Variants in LDLRAD3 observed in about 807,000 individuals in gnomAD.
The protein encoded by LDLRAD3 is low-density lipoprotein receptor class A domain-containing protein 3.
Under a neutral mutation model 29.4 loss-of-function variants are expected in LDLRAD3, and 20 were observed. The observed-to-expected ratio is 0.68, with a 90% CI of 0.48 to 0.99. The LOEUF (loss-of-function observed/expected upper bound fraction) is 0.99, where lower values mean the gene tolerates loss of function less well. Among genes scored for constraint, LDLRAD3 ranks in the 50% least tolerant of loss-of-function variants. The pLI is 0.00. For missense variants in LDLRAD3, 420 were observed against 454.3 expected (o/e 0.92, Z 0.69); for synonymous variants, 157 against 192.7 (o/e 0.81, Z 1.53).
At chr11:36,166,328 C>T (rs4755439) in intron 4 of LDLRAD3, among the ~76,000 whole-genome samples, 4 of 151,978 alleles carry the variant, frequency 2.6e-5, no homozygotes, top group African/African-American at 9.7e-5. Flanking sequence ...ACACTGTCAC[C>T]AGGTAATCAC....
In LDLRAD3 at chr11:36,118,665, T is replaced by A. The variant is rs566810749; in HGVS notation, c.454+20204T>A. 9.9e-5 allele frequency among the ~76,000 whole-genome samples: 15 copies of A among 152,216 alleles called. No individual in the cohort carries two copies. In the East Asian group the frequency reaches 2.5e-3, roughly 25 times the overall value. ...ATAAGTATATTATTTTGTTTTAGGG[T>A]TTTTTTAACAGCTTTATTTAGATGT... is the stretch of plus-strand genomic sequence containing the variant. On this transcript the variant is annotated intron_variant, in intron 4 of 5. Coordinates refer to ENST00000315571, the MANE Select transcript of LDLRAD3 (RefSeq NM_174902.4).
intron 4 of LDLRAD3, among the ~76,000 whole-genome samples, chr11:36,175,132 A>G (rs1369970064): frequency 6.6e-6 from 1 of 152,216 alleles, no homozygotes; most frequent in African/African-American, 2.4e-5. Context: ...CAGTGTGGCA[A>G]TTCCTCAAGG....
chr11:36,044,982 C>T (rs890631286), intron 2 of LDLRAD3, among the ~76,000 whole-genome samples: 1 of 152,214 alleles, frequency 6.6e-6, no homozygotes, highest in Non-Finnish European at 1.5e-5. Flanking sequence ...TCTTTTCCAC[C>T]TTCACCACAC....
intron 2 of LDLRAD3, among the ~76,000 whole-genome samples, chr11:36,039,731 T>G (rs890000487): frequency 1.1e-4 from 16 of 152,256 alleles, no homozygotes; most frequent in African/African-American, 3.9e-4. Flanking sequence ...GGCTGCCTAA[T>G]GCTCTGTCAA....
chr11:36,180,983 G>A (rs1486962357), intron 4 of LDLRAD3, among the ~76,000 whole-genome samples: 1 of 152,164 alleles, frequency 6.6e-6, no homozygotes, highest in Non-Finnish European at 1.5e-5. Flanking sequence ...ACACATTGCA[G>A]AAAGAACACA....
intron 5 of LDLRAD3, among the ~76,000 whole-genome samples, chr11:36,228,031 G>A (rs1427658087): frequency 6.6e-6 from 1 of 152,318 alleles, no homozygotes; most frequent in Non-Finnish European, 1.5e-5. Context: ...ATTGCAAATG[G>A]AATTGTACAA....
chr11:36,163,257 G>T (rs1854468610), intron 4 of LDLRAD3: 1 of 152,256 alleles, frequency 6.6e-6, no homozygotes, highest in African/African-American at 2.4e-5. Context: ...TAGATGGATT[G>T]CTTGGCTATA....
intron 1 of LDLRAD3, among the ~76,000 whole-genome samples, chr11:35,995,658 G>T (rs544606744): frequency 6.6e-6 from 1 of 152,366 alleles, no homozygotes; most frequent in South Asian, 2.1e-4. Flanking sequence ...TCTTCCAAAA[G>T]AAGGCTGTTC....
chr11:36,067,429 G>T (rs1333226852), intron 2 of LDLRAD3, among the ~76,000 whole-genome samples: 1 of 152,040 alleles, frequency 6.6e-6, no homozygotes, highest in Non-Finnish European at 1.5e-5. Flanking sequence ...TAAAACGATA[G>T]CAAATATAGT....
chr11:36,055,482 G>T (rs991920368), intron 2 of LDLRAD3, among the ~76,000 whole-genome samples: 2 of 152,146 alleles, frequency 1.3e-5, no homozygotes, highest in Non-Finnish European at 2.9e-5. Flanking sequence ...AGAAACAGAG[G>T]GTTCCTGGCA....
chr11:36,119,058 G>A (rs1184585830), intron 4 of LDLRAD3, among the ~76,000 whole-genome samples: 1 of 151,960 alleles, frequency 6.6e-6, no homozygotes, highest in East Asian at 1.9e-4. Flanking sequence ...AATTGCCTTG[G>A]GGAATTGTTA....
chr11:36,192,960 T>C (rs7118625), intron 4 of LDLRAD3, among the ~76,000 whole-genome samples: 75,019 of 152,000 alleles, frequency 0.49, 18,713 homozygotes, highest in Middle Eastern at 0.59. Flanking sequence ...GGAAGTTACT[T>C]CACTTCCCTG....
intron 4 of LDLRAD3, among the ~76,000 whole-genome samples, chr11:36,167,233 G>A (rs1772169627): frequency 6.6e-6 from 1 of 152,078 alleles, no homozygotes; most frequent in Non-Finnish European, 1.5e-5. Flanking sequence ...TCTTTTCCCG[G>A]GAACCTCAGT....
intron 1 of LDLRAD3, among the ~76,000 whole-genome samples, chr11:35,960,005 A>G (rs760251921): frequency 6.6e-6 from 1 of 152,214 alleles, no homozygotes; most frequent in Non-Finnish European, 1.5e-5. Context: ...CTCTTGGCCC[A>G]GAGGTCATCA....
intron 4 of LDLRAD3, among the ~76,000 whole-genome samples, chr11:36,107,515 G>A (rs1853545938): frequency 6.6e-6 from 1 of 152,110 alleles, no homozygotes; most frequent in South Asian, 2.1e-4. Context: ...AGTTTAACAG[G>A]TATAGTCATG....
chr11:36,136,930 A>G (rs1023662419), intron 4 of LDLRAD3, among the ~76,000 whole-genome samples: 2 of 152,090 alleles, frequency 1.3e-5, no homozygotes, highest in Non-Finnish European at 2.9e-5. Context: ...GCCTCGAGTG[A>G]TCCACCTGCC....
intron 4 of LDLRAD3, among the ~76,000 whole-genome samples, chr11:36,184,977 A>G (rs34860482): frequency 0.048 from 7,314 of 152,190 alleles, 562 homozygotes; most frequent in African/African-American, 0.16. Context: ...AATTTTCCAG[A>G]TGCTTACCTT....
chr11:36,120,689 A>G (rs10742362), intron 4 of LDLRAD3, among the ~76,000 whole-genome samples: 66,008 of 151,944 alleles, frequency 0.43, 15,170 homozygotes, highest in Admixed American at 0.51. Flanking sequence ...TCCAGATGCC[A>G]GTCTACACCT....
intron 4 of LDLRAD3, among the ~76,000 whole-genome samples, chr11:36,150,612 G>A (rs985633034): frequency 4.0e-5 from 6 of 150,502 alleles, no homozygotes; most frequent in East Asian, 3.9e-4. Flanking sequence ...AAAATTAGCC[G>A]GGCGTGGTGG....
Sources: gnomAD v4.1 joint callset for allele counts (sites outside exome capture counted in the v4.1 genomes callset) on GRCh38, gnomAD v4.1.1 for gene constraint, MANE v1.5 for transcripts, NCBI Gene and HGNC (gene_info 2026-07-23, HGNC 2026-07-21) for gene names.